Variants in PTPN9 observed in about 807,000 individuals in gnomAD.
PTPN9 encodes protein tyrosine phosphatase non-receptor type 9.
A neutral mutation model predicts 69.8 loss-of-function variants in PTPN9; 26 were observed. The observed-to-expected ratio is 0.37, with a 90% CI of 0.27 to 0.52. The LOEUF (loss-of-function observed/expected upper bound fraction) is 0.52, where lower values mean the gene tolerates loss of function less well. PTPN9 is among the 20% of genes least tolerant of loss of function. The pLI is 0.91. For missense variants in PTPN9, 549 were observed against 740.3 expected, an observed-to-expected ratio of 0.74 and a Z score of 3.00; for synonymous variants, 274 against 272.5, an observed-to-expected ratio of 1.01 and a Z score of -0.05.
chr15:75,518,017 C>T (rs1196913598), intron 4 of PTPN9, among the ~76,000 whole-genome samples: 2 of 152,168 alleles, frequency 1.3e-5, no homozygotes, highest in African/African-American at 4.8e-5. Context: ...GTAAATTTGT[C>T]TCTTATGACC....
chr15:75,522,718 TGA>T (rs1159150157), intron 4 of PTPN9, among the ~76,000 whole-genome samples: 2 of 152,138 alleles, frequency 1.3e-5, no homozygotes, highest in Non-Finnish European at 2.9e-5. Context: ...CCCTGAATGT[TGA>T]GTCTCAAAAT....
At chr15:75,504,565 G>T (rs1478037593) in intron 7 of PTPN9, among the ~76,000 whole-genome samples, 2 of 138,520 alleles carry the variant, frequency 1.4e-5, no homozygotes, top group Non-Finnish European at 3.2e-5. Flanking sequence ...GGTGAGGGGC[G>T]CCTCTGCCCT....
chr15:75,476,820 C>T (rs2074599346), intron 9 of PTPN9, among the ~76,000 whole-genome samples: 1 of 152,202 alleles, frequency 6.6e-6, no homozygotes. Context: ...CTCTGACCCT[C>T]AGCCTCATCC....
chr15:75,464,090 A>G lies in PTPN9; in HGVS notation c.*4679T>C, dbSNP rs1388200376. ...CCTCCAATTGGAAGGCCAAGGGGGA[A>G]GAGAACTGAGGGAAGCTAGGGAAGT... On this transcript the variant is annotated 3_prime_UTR_variant, in exon 13 of 13. Coordinates refer to ENST00000618819, the MANE Select transcript of PTPN9 (RefSeq NM_002833.4). 6.6e-6 allele frequency: 1 copy of G among 152,408 alleles called. No homozygotes were observed. The highest frequency in any genetic ancestry group is 2.4e-5 in the African/African-American group (1 of 41,464). 9.4% of individuals were successfully genotyped at this position (152,408 alleles called of 1,614,324 possible).
At chr15:75,514,675 G>A (rs999785498) in intron 5 of PTPN9, among the ~76,000 whole-genome samples, 1 of 152,186 alleles carries the variant, frequency 6.6e-6, no homozygotes, top group African/African-American at 2.4e-5. Flanking sequence ...CATTATATGT[G>A]TGTGTGTATA....
chr15:75,562,129 A>T (rs2075106449), intron 1 of PTPN9, among the ~76,000 whole-genome samples: 1 of 152,180 alleles, frequency 6.6e-6, no homozygotes, highest in Admixed American at 6.6e-5. Flanking sequence ...CTGGGATTAC[A>T]GGCATGACCC....
intron 1 of PTPN9, among the ~76,000 whole-genome samples, chr15:75,555,139 T>C (rs532651580): frequency 6.6e-6 from 1 of 152,308 alleles, no homozygotes; most frequent in South Asian, 2.1e-4. Flanking sequence ...ATGCTAGTCT[T>C]TGAGAAGTCT....
intron 1 of PTPN9, among the ~76,000 whole-genome samples, chr15:75,544,098 G>T (rs1360575393): frequency 1.3e-5 from 2 of 152,156 alleles, no homozygotes; most frequent in Non-Finnish European, 2.9e-5. Context: ...AATTCCCAGA[G>T]ACAACAGAGG....
At chr15:75,553,704 G>A (rs2075064955) in intron 1 of PTPN9, among the ~76,000 whole-genome samples, 1 of 152,102 alleles carries the variant, frequency 6.6e-6, no homozygotes, top group South Asian at 2.1e-4. Flanking sequence ...AATCTAGGAT[G>A]AGGCATGTGA....
rs763887441 is a variant in PTPN9 at position 75,505,824 on chromosome 15, T to A, written c.819A>T (p.Leu273Phe). The A allele has an allele frequency of 1.2e-6, 2 of 1,613,998 alleles. No homozygotes were observed. Among genetic ancestry groups the A allele is most frequent in the Non-Finnish European group, 1.7e-6 (2 of 1,180,016 alleles). ...CTGGAACATGTACTGAGTCCCAGTC[T>A]AAGGCAGGAGGGAGGGAGAACAGGA... ...EIILFSLPPA[L>F]DWDSVHVPGP... Residue 273 changes from leucine to phenylalanine, a missense_variant, in exon 7 of 13, where the codon TTA (leucine) becomes TTT (phenylalanine). Physicochemically the swap from Leu to Phe is conservative, Grantham distance 22. Transcript: ENST00000618819.
At chr15:75,503,060 C>A (rs912278151) in intron 7 of PTPN9, among the ~76,000 whole-genome samples, 1 of 150,558 alleles carries the variant, frequency 6.6e-6, no homozygotes, top group African/African-American at 2.4e-5. Flanking sequence ...GCCACCACCC[C>A]GTCTGGGAAG....
Position 75,465,524 on chromosome 15 carries a change from A to G in PTPN9, c.*3245T>C, listed in dbSNP as rs1398397697. On this transcript the variant is annotated 3_prime_UTR_variant, in exon 13 of 13. Coordinates refer to ENST00000618819, the MANE Select transcript of PTPN9 (RefSeq NM_002833.4). ...CCTTTACCTCCTCCTTTAACACCTA[A>G]CACAGGTAGGTTCACGCTGGTAAAA... The G allele has an allele frequency of 6.6e-6, 1 of 152,110 alleles. No individual in the cohort carries two copies. The highest frequency in any genetic ancestry group is 2.1e-4 in the South Asian group (1 of 4,828). The allele number at this position is 152,110 out of a possible 1,614,324, so 9.4% of individuals were successfully genotyped here. A position where few individuals can be genotyped will look rare whatever the true frequency, so the allele number is the denominator to read the frequency against.
At chr15:75,504,981 C>T (rs1387635612) in intron 7 of PTPN9, among the ~76,000 whole-genome samples, 4 of 152,094 alleles carry the variant, frequency 2.6e-5, no homozygotes, top group Non-Finnish European at 4.4e-5. Flanking sequence ...TCATTGAGAA[C>T]GGGCCAGGAT....
intron 1 of PTPN9, among the ~76,000 whole-genome samples, chr15:75,533,603 T>C (rs920028508): frequency 2.6e-5 from 4 of 152,282 alleles, no homozygotes; most frequent in African/African-American, 9.6e-5. Flanking sequence ...AAGCATACTA[T>C]AATTATCTAC....
At chr15:75,578,634 G>C (rs1055871127) in intron 1 of PTPN9, 80 bp downstream of exon 1, 5 of 1,149,580 alleles carry the variant, frequency 4.3e-6, no homozygotes, top group Non-Finnish European at 5.5e-6. Flanking sequence ...GCTGCAAAGA[G>C]CCGGCACTCG....
chr15:75,530,220 AAAAG>A (rs1212456631), intron 1 of PTPN9, among the ~76,000 whole-genome samples: 256 of 141,310 alleles, frequency 1.8e-3, no homozygotes, highest in Middle Eastern at 3.6e-3. Flanking sequence ...AAAAAAAAAG[AAAAG>A]AAAGAAAGAA....
intron 1 of PTPN9, among the ~76,000 whole-genome samples, chr15:75,574,035 A>G (rs996306060): frequency 3.9e-5 from 6 of 152,198 alleles, no homozygotes; most frequent in African/African-American, 7.2e-5. Context: ...AGGCAGGACT[A>G]TAAGGCCAGT....
chr15:75,546,622 G>A (rs1479643830), intron 1 of PTPN9, among the ~76,000 whole-genome samples: 2 of 151,298 alleles, frequency 1.3e-5, no homozygotes, highest in East Asian at 1.9e-4. Context: ...TAGCCTGGGC[G>A]ACAGAGCAAG....
chr15:75,575,791 C>T (rs1162047899), intron 1 of PTPN9, among the ~76,000 whole-genome samples: 2 of 151,014 alleles, frequency 1.3e-5, no homozygotes, highest in Non-Finnish European at 1.5e-5. Context: ...TGGTGGCGGG[C>T]GCCTGTAGTC....
Sources: allele counts gnomAD v4.1 joint callset (sites outside exome capture counted in the v4.1 genomes callset), GRCh38; gene constraint gnomAD v4.1.1; transcripts MANE v1.5; gene names NCBI Gene and HGNC (gene_info 2026-07-23, HGNC 2026-07-21).